LRRC4C: variants seen among roughly 807,000 people sequenced by gnomAD.
The protein encoded by LRRC4C is leucine-rich repeat-containing protein 4C.
A neutral mutation model predicts 33.6 loss-of-function variants in LRRC4C; 5 were observed. The ratio of observed to expected loss-of-function variants is 0.15; its 90% CI spans 0.08 to 0.31. The LOEUF (loss-of-function observed/expected upper bound fraction) is 0.31, where lower values mean the gene tolerates loss of function less well. Ranked by LOEUF, LRRC4C falls within the 10% of genes least tolerant of loss-of-function variation. The pLI, the probability that LRRC4C is intolerant of heterozygous loss-of-function variation, is 1.00. For missense variants in LRRC4C, 560 were observed against 796.7 expected (o/e 0.70, Z 3.58); for synonymous variants, 329 against 302.0 (o/e 1.09, Z -0.93).
At chr11:40,439,029 C>T (rs561945059) in intron 3 of LRRC4C, among the ~76,000 whole-genome samples, 2 of 148,102 alleles carry the variant, frequency 1.4e-5, no homozygotes, top group South Asian at 4.3e-4. Context: ...CTCCCGGGTT[C>T]ACGCCATTCT....
At chr11:40,467,359 G>A (rs539554384) in intron 3 of LRRC4C, among the ~76,000 whole-genome samples, 17 of 152,104 alleles carry the variant, frequency 1.1e-4, no homozygotes, top group Admixed American at 2.0e-4. Flanking sequence ...CTAGAGAATT[G>A]CCGTATCAAT....
intron 3 of LRRC4C, among the ~76,000 whole-genome samples, chr11:40,514,461 T>A (rs1471929392): frequency 3.3e-5 from 5 of 152,124 alleles, no homozygotes; most frequent in Non-Finnish European, 5.9e-5. Context: ...CATATAAACA[T>A]ATCATTTTCT....
At chr11:40,332,753 C>T (rs576563297) in intron 3 of LRRC4C, among the ~76,000 whole-genome samples, 2 of 152,290 alleles carry the variant, frequency 1.3e-5, no homozygotes, top group South Asian at 2.1e-4. Flanking sequence ...TTGGAGGATT[C>T]TGCCTTATCC....
chr11:40,157,943 T>A, intron 5 of LRRC4C, among the ~76,000 whole-genome samples: 1 of 152,064 alleles, frequency 6.6e-6, no homozygotes, highest in Non-Finnish European at 1.5e-5. Context: ...AAGTCATTAT[T>A]TGAAAAAGAT....
intron 3 of LRRC4C, among the ~76,000 whole-genome samples, chr11:40,597,382 T>A (rs998171094): frequency 1.3e-5 from 2 of 152,190 alleles, no homozygotes; most frequent in Non-Finnish European, 2.9e-5. Flanking sequence ...TTGTGTTACT[T>A]TTGCGTGCTA....
chr11:40,864,434 TTACA>T (rs780695431), intron 2 of LRRC4C, among the ~76,000 whole-genome samples: 1 of 152,206 alleles, frequency 6.6e-6, no homozygotes, highest in Non-Finnish European at 1.5e-5. Flanking sequence ...TGAAAATCCC[TTACA>T]TACTACACTT....
intron 2 of LRRC4C, among the ~76,000 whole-genome samples, chr11:40,822,764 G>A (rs530603856): frequency 5.9e-5 from 9 of 151,618 alleles, no homozygotes; most frequent in East Asian, 3.9e-4. Context: ...TTTCTAAAGC[G>A]CTTCCCTAAT....
chr11:41,228,169 A>G (rs984903010), intron 1 of LRRC4C, among the ~76,000 whole-genome samples: 1 of 152,066 alleles, frequency 6.6e-6, no homozygotes, highest in African/African-American at 2.4e-5. Context: ...CAAACCTTAC[A>G]TGTATATGAA....
chr11:40,485,734 AG>A (rs925066813), intron 3 of LRRC4C, among the ~76,000 whole-genome samples: 1 of 152,150 alleles, frequency 6.6e-6, no homozygotes, highest in Non-Finnish European at 1.5e-5. Context: ...TATTCACAAA[AG>A]ACATGGAATC....
chr11:40,926,602 AG>A (rs1957414756), intron 2 of LRRC4C, among the ~76,000 whole-genome samples: 1 of 152,202 alleles, frequency 6.6e-6, no homozygotes, highest in African/African-American at 2.4e-5. Context: ...AAAATAGAAA[AG>A]GGTATTCACA....
chr11:40,206,680 A>G (rs1395999866), intron 5 of LRRC4C, among the ~76,000 whole-genome samples: 1 of 152,192 alleles, frequency 6.6e-6, no homozygotes, highest in Admixed American at 6.5e-5. Context: ...GTCCATGTCT[A>G]TTAAAGATGT....
intron 1 of LRRC4C, among the ~76,000 whole-genome samples, chr11:40,958,479 T>C (rs1343160357): frequency 6.6e-6 from 1 of 151,768 alleles, no homozygotes; most frequent in Admixed American, 6.6e-5. Flanking sequence ...TTGCCTTATA[T>C]TTTTAATAGT....
intron 1 of LRRC4C, among the ~76,000 whole-genome samples, chr11:41,305,923 T>TAAAAAAAA (rs1950486999): frequency 1.7e-5 from 1 of 59,810 alleles, no homozygotes. Flanking sequence ...TAAAAAAAAA[T>TAAAAAAAA]AATAAAATAA....
intron 3 of LRRC4C, among the ~76,000 whole-genome samples, chr11:40,364,398 C>A (rs1365497633): frequency 6.6e-6 from 1 of 151,912 alleles, no homozygotes; most frequent in Admixed American, 6.6e-5. Flanking sequence ...AAAAAAATGA[C>A]CCAAATTAAG....
In LRRC4C at chr11:40,832,449, T is replaced by G. The variant is rs570674320; in HGVS notation, c.-407+101186A>C. 7.9e-5 allele frequency among the ~76,000 whole-genome samples: 12 copies of G among 152,244 alleles called. No individual in the cohort carries two copies. In the South Asian group the frequency reaches 2.5e-3, roughly 32 times the overall value. On this transcript the variant is annotated intron_variant, in intron 2 of 6. Coordinates refer to ENST00000528697, the MANE Select transcript of LRRC4C (RefSeq NM_001258419.2). Reference sequence around the variant, plus strand: ...GACTCTGATCTAGATATTGGAGATATAACAGTTCCTGTGACAAATAAAAAG... The same window carrying G: ...GACTCTGATCTAGATATTGGAGATAGAACAGTTCCTGTGACAAATAAAAAG...
chr11:40,952,896 A>ACACACACACT (rs1156767689), intron 1 of LRRC4C, among the ~76,000 whole-genome samples: 6 of 70,158 alleles, frequency 8.6e-5, no homozygotes, highest in African/African-American at 3.0e-4. Flanking sequence ...ACACACACAC[A>ACACACACACT]CTCTCTCTCT....
chr11:41,233,180 G>C lies in LRRC4C; in HGVS notation c.-496+226251C>G, dbSNP rs558522815. On this transcript the variant is annotated intron_variant, in intron 1 of 6. Transcript: ENST00000528697. Reference sequence around the variant, plus strand: ...TCCAAGGTATTTTTACCACTACTAGGAAAGATAATTCATGTGTGCAAATAA... The same window carrying C: ...TCCAAGGTATTTTTACCACTACTAGCAAAGATAATTCATGTGTGCAAATAA... Among the ~76,000 whole-genome samples, 229 of 152,070 alleles carry C rather than the reference G, an allele frequency of 1.5e-3. 1 individual carries two copies. The highest frequency in any genetic ancestry group is 5.4e-4 in the Non-Finnish European group (37 of 67,944).
At chr11:40,865,511 G>GTATATATATATATA (rs68153820) in intron 2 of LRRC4C, among the ~76,000 whole-genome samples, 1 of 147,028 alleles carries the variant, frequency 6.8e-6, no homozygotes, top group African/African-American at 2.5e-5. Context: ...TCCACAGTGT[G>GTATATATATATATA]TATATATATA....
intron 5 of LRRC4C, among the ~76,000 whole-genome samples, chr11:40,204,187 T>G (rs1205711666): frequency 6.6e-6 from 1 of 152,114 alleles, no homozygotes; most frequent in Non-Finnish European, 1.5e-5. Flanking sequence ...CACCTCAGCC[T>G]CCCAGAATAC....
Sources: gnomAD v4.1 joint callset for allele counts (sites outside exome capture counted in the v4.1 genomes callset) on GRCh38, gnomAD v4.1.1 for gene constraint, MANE v1.5 for transcripts, NCBI Gene and HGNC (gene_info 2026-07-23, HGNC 2026-07-21) for gene names.